KDM6A: variants seen among roughly 807,000 people sequenced by gnomAD.
KDM6A encodes lysine demethylase 6A, also known as lysine-specific demethylase 6A.
In KDM6A, 11 loss-of-function variants were observed where a neutral mutation model predicts 117.6. The observed-to-expected ratio is 0.09, with a 90% CI of 0.06 to 0.15. The LOEUF (loss-of-function observed/expected upper bound fraction) is 0.15, where lower values mean the gene tolerates loss of function less well. Ranked by LOEUF, KDM6A falls within the 10% of genes least tolerant of loss-of-function variation. The pLI, the probability that KDM6A is intolerant of heterozygous loss-of-function variation, is 1.00. For synonymous variants in KDM6A, 384 were observed against 396.1 expected (o/e 0.97, Z 0.36); for missense variants, 799 against 1,077.3 (o/e 0.74, Z 3.62).
intron 21 of KDM6A, among the ~76,000 whole-genome samples, chrX:45,082,014 C>T (rs1490900695): frequency 1.8e-5 from 2 of 109,987 alleles, no homozygotes; most frequent in Non-Finnish European, 3.8e-5. Flanking sequence ...CTCCTGACCT[C>T]GTGATCCCTC....
chrX:44,913,765 C>T (rs1404524982), intron 2 of KDM6A, among the ~76,000 whole-genome samples: 3 of 109,914 alleles, frequency 2.7e-5, no homozygotes, highest in East Asian at 5.7e-4. Context: ...TATATGTATA[C>T]GCACACACAC....
chrX:44,910,280 G>A (rs2035004973), intron 2 of KDM6A, among the ~76,000 whole-genome samples: 1 of 111,313 alleles, frequency 9.0e-6, no homozygotes. Flanking sequence ...TGCGCCTCCC[G>A]GGTTCAAGCA....
At chrX:44,876,983 A>ACT (rs201690669) in intron 2 of KDM6A, among the ~76,000 whole-genome samples, 4 of 108,588 alleles carry the variant, frequency 3.7e-5, no homozygotes, top group African/African-American at 1.4e-4. Context: ...ACGTATATAC[A>ACT]CGTATACGCA....
intron 25 of KDM6A, 128 bp downstream of exon 25, chrX:45,086,107 A>G (rs2045629144): frequency 2.1e-6 from 1 of 471,670 alleles, no homozygotes; most frequent in Non-Finnish European, 3.8e-6. Context: ...CGAAGAATTC[A>G]TTTTAAATTA....
At chrX:44,922,563 C>T (rs1288502810) in intron 2 of KDM6A, among the ~76,000 whole-genome samples, 3 of 111,611 alleles carry the variant, frequency 2.7e-5, no homozygotes, top group Admixed American at 9.5e-5. Context: ...CCGCATCCCG[C>T]GTTCAAGTGA....
chrX:44,877,153 C>T (rs1208249324), intron 2 of KDM6A, among the ~76,000 whole-genome samples: 1 of 111,427 alleles, frequency 9.0e-6, no homozygotes, highest in Non-Finnish European at 1.9e-5. Flanking sequence ...TTATTCAAAC[C>T]ACTGATTTCT....
At position 44,973,603 on chromosome X, in the gene KDM6A, AGG is replaced by A. The variant is rs1379087577; in HGVS notation, c.335-1062_335-1061del. 5.2e-3 allele frequency among the ~76,000 whole-genome samples: 583 copies of A among 111,348 alleles called. 9 individuals carry two copies. The highest frequency in any genetic ancestry group is 0.016 in the African/African-American group (485 of 30,518). On this transcript the variant is annotated intron_variant, in intron 3 of 29. Transcript: ENST00000611820. ...ATTTCTAGAATTACATATCTGTTGT[AGG>A]ACCCTTCAAACTACCAAGTCATAGC...
At chrX:44,905,722 T>C (rs2034610795) in intron 2 of KDM6A, among the ~76,000 whole-genome samples, 1 of 112,405 alleles carries the variant, frequency 8.9e-6, no homozygotes, top group South Asian at 3.6e-4. Flanking sequence ...TCATTTTGCT[T>C]TTGGCTTTAT....
chrX:44,914,988 T>G (rs1403503542), intron 2 of KDM6A, among the ~76,000 whole-genome samples: 1 of 111,253 alleles, frequency 9.0e-6, no homozygotes, highest in African/African-American at 3.3e-5. Flanking sequence ...ACATTTACAT[T>G]CTGTGTTGAT....
intron 10 of KDM6A, among the ~76,000 whole-genome samples, chrX:45,058,261 G>GT (rs946859360): frequency 1.9e-5 from 2 of 107,736 alleles, no homozygotes; most frequent in South Asian, 4.0e-4. Flanking sequence ...CTGGGTTTTT[G>GT]TTTTTTTTCT....
At chrX:44,877,755 T>A (rs773283688) in intron 2 of KDM6A, among the ~76,000 whole-genome samples, 2 of 110,962 alleles carry the variant, frequency 1.8e-5, no homozygotes, top group South Asian at 7.4e-4. Context: ...AATACTCTTA[T>A]TGGAAATTTT....
chrX:44,940,834 GAGACCAGCC>G (rs773117150), intron 2 of KDM6A, among the ~76,000 whole-genome samples: 1 of 111,476 alleles, frequency 9.0e-6, no homozygotes, highest in East Asian at 2.8e-4. Flanking sequence ...TCGGGAGTTG[GAGACCAGCC>G]TGACCAACAT....
intron 27 of KDM6A, among the ~76,000 whole-genome samples, chrX:45,095,784 GAGGTC>G (rs1193754753): frequency 5.4e-5 from 6 of 111,867 alleles, no homozygotes; most frequent in Non-Finnish European, 1.1e-4. Context: ...TTCTCTTGTT[GAGGTC>G]ACCAGTGACC....
intron 2 of KDM6A, among the ~76,000 whole-genome samples, chrX:44,924,090 T>C (rs865861488): frequency 4.7e-4 from 53 of 112,558 alleles, no homozygotes; most frequent in Non-Finnish European, 4.7e-4. Flanking sequence ...TTAGGCTGTT[T>C]TATATTTTCC....
rs2035690889 is a variant in KDM6A, at chrX:44,918,368, T to A, written c.226-42916T>A. ...ATAGATTTTTTTCCATTATAACTTG[T>A]ATGAAACTCTTCTATTTTGCATATT... On this transcript the variant is annotated intron_variant, in intron 2 of 29. Coordinates refer to ENST00000611820, the MANE Select transcript of KDM6A (RefSeq NM_001291415.2). 2.7e-5 allele frequency among the ~76,000 whole-genome samples: 3 copies of A among 111,375 alleles called. No homozygotes were observed. In the South Asian group the frequency reaches 1.1e-3, roughly 41 times the overall value.
At chrX:45,048,137 G>A (rs772023555) in intron 8 of KDM6A, among the ~76,000 whole-genome samples, 23 of 93,903 alleles carry the variant, frequency 2.4e-4, no homozygotes, top group Non-Finnish European at 3.9e-4. Flanking sequence ...TCCAGCCTGG[G>A]CGACACAGTG....
intron 2 of KDM6A, among the ~76,000 whole-genome samples, chrX:44,919,240 TC>T (rs1353385889): frequency 8.9e-6 from 1 of 111,737 alleles, no homozygotes; most frequent in East Asian, 2.8e-4. Flanking sequence ...TTTTTACTGT[TC>T]CAGGATCTCA....
chrX:44,951,327 C>T (rs1040503122), intron 2 of KDM6A, among the ~76,000 whole-genome samples: 2 of 111,734 alleles, frequency 1.8e-5, no homozygotes, highest in African/African-American at 6.5e-5. Flanking sequence ...AAGGAGTTGT[C>T]ATTCTGAAGC....
At chrX:44,915,903 A>C (rs1002989970) in intron 2 of KDM6A, among the ~76,000 whole-genome samples, 7 of 111,632 alleles carry the variant, frequency 6.3e-5, no homozygotes, top group African/African-American at 2.3e-4. Context: ...TTTAATGAAC[A>C]GGAGAAAGTA....
Sources: gnomAD v4.1 joint callset for allele counts (sites outside exome capture counted in the v4.1 genomes callset) on GRCh38, gnomAD v4.1.1 for gene constraint, MANE v1.5 for transcripts, NCBI Gene and HGNC (gene_info 2026-07-23, HGNC 2026-07-21) for gene names.